The following ZNF827 variants were observed in gnomAD, a reference collection of about 807,000 sequenced individuals.
The protein encoded by ZNF827 is zinc finger protein 827.
A neutral mutation model predicts 102.4 loss-of-function variants in ZNF827; 13 were observed. The ratio of observed to expected loss-of-function variants is 0.13; its 90% CI spans 0.08 to 0.20. The LOEUF (loss-of-function observed/expected upper bound fraction) is 0.20, where lower values mean the gene tolerates loss of function less well. ZNF827 is among the 10% of genes least tolerant of loss of function. ZNF827 has a pLI of 1.00. For missense variants in ZNF827, 1,103 were observed against 1,344.4 expected (o/e 0.82, Z 2.81); for synonymous variants, 523 against 536.2 (o/e 0.98, Z 0.34).
At chr4:145,814,119 C>T (rs1272574811) in intron 8 of ZNF827, among the ~76,000 whole-genome samples, 1 of 152,128 alleles carries the variant, frequency 6.6e-6, no homozygotes, top group Non-Finnish European at 1.5e-5. Flanking sequence ...AAAGGAAATG[C>T]TCTCAGATTT....
Position 145,885,781 on chromosome 4 carries a change from T to A in ZNF827, c.1644A>T (p.Thr548=). ...LNAADRPANH[T]KLKDPSEYVA... Reference sequence around the variant, plus strand: ...CATACTCGGAGGGGTCTTTCAGCTTTGTGTGGTTGGCGGGCCTGTCGGCAG... The same window carrying A: ...CATACTCGGAGGGGTCTTTCAGCTTAGTGTGGTTGGCGGGCCTGTCGGCAG... Residue 548 remains threonine, a synonymous_variant, in exon 4 of 15, where the codon ACA becomes ACT. Coordinates refer to ENST00000508784, the MANE Select transcript of ZNF827 (RefSeq NM_001306215.2). 1 of 1,611,862 alleles carries A rather than the reference T, an allele frequency of 6.2e-7. No homozygotes were observed. The highest frequency in any genetic ancestry group is 8.5e-7 in the Non-Finnish European group (1 of 1,178,818).
chr4:145,874,947 C>A (rs1031282734), intron 4 of ZNF827, among the ~76,000 whole-genome samples: 7 of 152,122 alleles, frequency 4.6e-5, no homozygotes, highest in African/African-American at 1.4e-4. Flanking sequence ...TTAAAGGAAA[C>A]AAATCCGCTT....
At chr4:145,773,967 A>C (rs1736660277) in intron 11 of ZNF827, among the ~76,000 whole-genome samples, 1 of 152,134 alleles carries the variant, frequency 6.6e-6, no homozygotes, top group Non-Finnish European at 1.5e-5. Context: ...CAAGCTCTGG[A>C]ATGAAAACTG....
At chr4:145,848,355 T>C (rs1361941733) in intron 6 of ZNF827, among the ~76,000 whole-genome samples, 1 of 152,190 alleles carries the variant, frequency 6.6e-6, no homozygotes, top group Non-Finnish European at 1.5e-5. Flanking sequence ...CTATGGGCTG[T>C]GTTGCCAGGT....
At chr4:145,830,119 ATGAATACAGGTAACT>A (rs1268998297) in intron 7 of ZNF827, among the ~76,000 whole-genome samples, 1 of 152,250 alleles carries the variant, frequency 6.6e-6, no homozygotes, top group Non-Finnish European at 1.5e-5. Flanking sequence ...GAGAATTAAA[ATGAATACAGGTAACT>A]TGCATATGGG....
intron 5 of ZNF827, among the ~76,000 whole-genome samples, chr4:145,853,353 C>T (rs1184595686): frequency 6.6e-6 from 1 of 152,222 alleles, no homozygotes; most frequent in East Asian, 1.9e-4. Context: ...CCTGTACACA[C>T]ACAACGTGAA....
At chr4:145,805,486 GA>G (rs1741330612) in intron 8 of ZNF827, among the ~76,000 whole-genome samples, 1 of 152,026 alleles carries the variant, frequency 6.6e-6, no homozygotes, top group Non-Finnish European at 1.5e-5. Flanking sequence ...ATTATTAAAG[GA>G]ACATGCACAG....
rs540132541 is a variant in ZNF827 at position 145,799,113 on chromosome 4, TC to T, written c.2384-19603del. ...ATTATCTTCATATTCAAAGCAGATC[TC>T]CCGTTTTGATACTTTATTGGGGTTG... On this transcript the variant is annotated intron_variant, in intron 8 of 14. Transcript: ENST00000508784. Among the ~76,000 whole-genome samples, 961 of 152,360 alleles carry T rather than the reference TC, an allele frequency of 6.3e-3. 5 individuals are homozygous for T. Among genetic ancestry groups the T allele is most frequent in the Non-Finnish European group, 0.01 (683 of 68,038 alleles).
At chr4:145,764,850 G>T in intron 13 of ZNF827, 138 bp downstream of exon 13, 1 of 1,131,610 alleles carries the variant, frequency 8.8e-7, no homozygotes. Flanking sequence ...AGGCAGCAGG[G>T]GTTCCTGACT....
chr4:145,874,689 T>C (rs1168413907), intron 4 of ZNF827, among the ~76,000 whole-genome samples: 2 of 152,248 alleles, frequency 1.3e-5, no homozygotes, highest in South Asian at 4.1e-4. Context: ...TTCCTACTAC[T>C]AACACAGAAA....
In ZNF827 at chr4:145,765,451, C is replaced by T; in HGVS notation, c.3052+96G>A. ...GCATACTGCATCCTGGGCCTATTATCAGTTTTTGACATCGCTCCTGTGCAG... is the reference window on the plus strand; with the variant it reads ...GCATACTGCATCCTGGGCCTATTATTAGTTTTTGACATCGCTCCTGTGCAG... On this transcript the variant is annotated intron_variant, in intron 12 of 14. Transcript: ENST00000508784. The surrounding 1 kb of genome is among the most constrained non-coding windows in gnomAD (Gnocchi z 4.7). 7.1e-7 allele frequency: 1 copy of T among 1,405,722 alleles called. No homozygotes were observed. The highest frequency in any genetic ancestry group is 2.3e-5 in the East Asian group (1 of 42,814). 87.1% of individuals were successfully genotyped at this position (1,405,722 alleles called of 1,614,324 possible). A position where few individuals can be genotyped will look rare whatever the true frequency, so the allele number is the denominator to read the frequency against.
At position 145,761,132 on chromosome 4, in the gene ZNF827, G is replaced by A. The variant is rs1185982223; in HGVS notation, c.*484C>T. Reference sequence around the variant, plus strand: ...CCGACCACCAGGAGCGGGGCCCCCGGGCCGGCCGGTTCCTTGGGGGCTGGA... The same window carrying A: ...CCGACCACCAGGAGCGGGGCCCCCGAGCCGGCCGGTTCCTTGGGGGCTGGA... On this transcript the variant is annotated 3_prime_UTR_variant, in exon 15 of 15. Coordinates refer to ENST00000508784, the MANE Select transcript of ZNF827 (RefSeq NM_001306215.2). This position sits in a 1 kb window ranked among gnomAD's most constrained non-coding sequence, Gnocchi z 6.8. 1 of 1,289,698 alleles carries A rather than the reference G, an allele frequency of 7.8e-7. No homozygotes were observed. The highest frequency in any genetic ancestry group is 2.3e-5 in the Admixed American group (1 of 43,574). 79.9% of individuals were successfully genotyped at this position (1,289,698 alleles called of 1,614,324 possible).
chr4:145,874,844 C>T (rs938798072), intron 4 of ZNF827, among the ~76,000 whole-genome samples: 1 of 152,196 alleles, frequency 6.6e-6, no homozygotes, highest in Non-Finnish European at 1.5e-5. Context: ...CCCTCTCTCG[C>T]TGTTTGTTCC....
intron 1 of ZNF827, among the ~76,000 whole-genome samples, chr4:145,937,136 TG>T (rs1341081436): frequency 2.0e-5 from 3 of 151,298 alleles, no homozygotes; most frequent in Non-Finnish European, 1.5e-5. Context: ...GGAGAAAGAC[TG>T]GGGGGTTGGG....
intron 8 of ZNF827, among the ~76,000 whole-genome samples, chr4:145,801,271 C>T (rs953969248): frequency 6.6e-6 from 1 of 152,106 alleles, no homozygotes; most frequent in Non-Finnish European, 1.5e-5. Context: ...CTTCCAATTC[C>T]GTTAGCAGTT....
chr4:145,883,061 TAAA>T (rs35477097), intron 4 of ZNF827, among the ~76,000 whole-genome samples: 3 of 145,064 alleles, frequency 2.1e-5, no homozygotes, highest in East Asian at 4.0e-4. Context: ...TAAGTAAAAT[TAAA>T]AAAAAAAAAA....
At position 145,835,475 on chromosome 4, in the gene ZNF827, T is replaced by G. The variant is rs1394644805; in HGVS notation, c.2279+10481A>C. Among the ~76,000 whole-genome samples the G allele has an allele frequency of 3.3e-5, 5 of 150,966 alleles. No individual in the cohort carries two copies. The East Asian group carries it at 9.8e-4, about 30-fold the overall frequency. ...CAACACTCTTTTAAGCACTCCTTTT[T>G]AGTTATCCCCACCTGCCCAGTTCCC... On this transcript the variant is annotated intron_variant, in intron 7 of 14. Transcript: ENST00000508784.
intron 1 of ZNF827, among the ~76,000 whole-genome samples, chr4:145,920,201 T>A (rs1344157012): frequency 2.0e-5 from 3 of 152,240 alleles, no homozygotes; most frequent in Non-Finnish European, 4.4e-5. Flanking sequence ...CTCAGAACTG[T>A]TGATATTGTT....
intron 7 of ZNF827, among the ~76,000 whole-genome samples, chr4:145,837,574 G>A (rs1271551196): frequency 5.9e-5 from 9 of 151,958 alleles, no homozygotes; most frequent in Non-Finnish European, 8.8e-5. Context: ...TTACACTGCC[G>A]GTTTACACTG....
Sources: allele counts gnomAD v4.1 joint callset (sites outside exome capture counted in the v4.1 genomes callset), GRCh38; gene constraint gnomAD v4.1.1; non-coding constraint Gnocchi (gnomAD v3.1); transcripts MANE v1.5; gene names NCBI Gene and HGNC (gene_info 2026-07-23, HGNC 2026-07-21).